The following TBC1D4 variants were observed in gnomAD, a reference collection of about 807,000 sequenced individuals.
The protein encoded by TBC1D4 is TBC1 domain family member 4.
Under a neutral mutation model 142.5 loss-of-function variants are expected in TBC1D4, and 121 were observed. The ratio of observed to expected loss-of-function variants is 0.85; its 90% confidence interval spans 0.73 to 0.99. The LOEUF (loss-of-function observed/expected upper bound fraction) is 0.99. TBC1D4 is among the 50% of genes least tolerant of loss of function. The probability of loss-of-function intolerance (pLI) is 0.00; values close to 1 mark genes in which losing one functional copy is unlikely to be tolerated. For synonymous variants in TBC1D4, 630 were observed against 628.2 expected (o/e 1.00, Z -0.04); for missense variants, 1,475 against 1,606.6 (o/e 0.92, Z 1.40).
chr13:75,362,305 C>T lies in TBC1D4; in HGVS notation c.801G>A (p.Leu267=), dbSNP rs183151783. The change falls in exon 2 of 21, where the codon CTG becomes CTA. Residue 267 remains leucine, a synonymous_variant. Coordinates refer to ENST00000377636, the MANE Select transcript of TBC1D4 (RefSeq NM_014832.5). This position sits in a 1 kb window ranked among gnomAD's most constrained non-coding sequence, Gnocchi z 4.2. ...TGTCGGTGCCGTCAGCCTCCTCCGG[C>T]AGGCAGTCTCCGGGGGACCCGGGCA... is the stretch of plus-strand genomic sequence containing the variant. ...VVVPGSPGDC[L]PEEADGTDTH... is the part of the protein sequence containing the mutation. The T allele has an allele frequency of 9.2e-5, 149 of 1,613,990 alleles. No homozygotes were observed. The highest frequency in any genetic ancestry group is 1.1e-4 in the Non-Finnish European group (132 of 1,180,028).
At chr13:75,468,799 A>T (rs1037426624) in intron 1 of TBC1D4, among the ~76,000 whole-genome samples, 2 of 152,208 alleles carry the variant, frequency 1.3e-5, no homozygotes, top group Non-Finnish European at 2.9e-5. Context: ...GCAGGGATCA[A>T]TTCTTACTCA....
rs1445226049 is a variant in TBC1D4 at position 75,309,942 on chromosome 13, C to T, written c.2593G>A (p.Ala865Thr). 2.5e-6 allele frequency: 4 copies of T among 1,613,912 alleles called. No individual in the cohort carries two copies. Among genetic ancestry groups the T allele is most frequent in the Non-Finnish European group, 3.4e-6 (4 of 1,179,950 alleles). Reference protein sequence around the residue: ...RMEKENQKLEASRDELQSRKV... With the variant: ...RMEKENQKLETSRDELQSRKV... ...CATTTAGTCTGTTAAAATGGCTAAC[C>T]TTCAAGTTTCTGGTTTTCTTTTTCC... is the stretch of plus-strand genomic sequence containing the variant. The change falls in exon 14 of 21, where the codon GCA becomes ACA. Residue 865 changes from alanine (A) to threonine (T), a missense_variant and splice_region_variant. Ala to Thr is a moderately conservative substitution (Grantham distance 58). Around this residue, in one of 2 missense-constraint regions of TBC1D4, gnomAD observed 1,227 missense variants for 1,267.7 expected, o/e 0.97. Coordinates refer to ENST00000377636, the MANE Select transcript of TBC1D4 (RefSeq NM_014832.5).
intron 17 of TBC1D4, among the ~76,000 whole-genome samples, chr13:75,296,200 T>A (rs1314066651): frequency 6.6e-6 from 1 of 151,534 alleles, no homozygotes; most frequent in African/African-American, 2.4e-5. Context: ...TTAGCTGGAG[T>A]CAAAGTTTTT....
intron 1 of TBC1D4, among the ~76,000 whole-genome samples, chr13:75,365,756 T>C (rs1882872827): frequency 1.3e-5 from 2 of 152,130 alleles, no homozygotes; most frequent in African/African-American, 2.4e-5. Flanking sequence ...AAAGACTGAG[T>C]TGGGGGGATT....
chr13:75,306,258 AAAT>A (rs1877172423), intron 15 of TBC1D4, 52 bp downstream of exon 15: 1 of 1,472,884 alleles, frequency 6.8e-7, no homozygotes, highest in African/African-American at 1.4e-5. Flanking sequence ...CAAAAAAAAA[AAAT>A]CCCCCAGGCT....
chr13:75,331,728 C>A (rs919577996), intron 8 of TBC1D4, among the ~76,000 whole-genome samples: 6 of 151,694 alleles, frequency 4.0e-5, no homozygotes, highest in Non-Finnish European at 8.8e-5. Flanking sequence ...AAAATGGATC[C>A]TATTTCATAA....
chr13:75,310,419 A>G (rs1877632438), intron 13 of TBC1D4, among the ~76,000 whole-genome samples: 1 of 152,170 alleles, frequency 6.6e-6, no homozygotes, highest in South Asian at 2.1e-4. Flanking sequence ...GAGGTGCCCC[A>G]AAACTAACTG....
chr13:75,433,144 A>G (rs995579172), intron 1 of TBC1D4, among the ~76,000 whole-genome samples: 2 of 152,138 alleles, frequency 1.3e-5, no homozygotes, highest in African/African-American at 4.8e-5. Flanking sequence ...ACCATGCATG[A>G]GTCATTTTCT....
chr13:75,472,641 A>G (rs1888465304), intron 1 of TBC1D4, among the ~76,000 whole-genome samples: 1 of 152,020 alleles, frequency 6.6e-6, no homozygotes, highest in South Asian at 2.1e-4. Context: ...CTCTCTCAGG[A>G]AAAAGAAGGC....
At position 75,286,693 on chromosome 13, in the gene TBC1D4, C is replaced by T; in HGVS notation, c.*99G>A. The T allele has an allele frequency of 1.7e-6, 2 of 1,202,798 alleles. No individual in the cohort carries two copies. The highest frequency in any genetic ancestry group is 2.5e-5 in the East Asian group (1 of 39,566). 74.5% of individuals were successfully genotyped at this position (1,202,798 alleles called of 1,614,324 possible). On this transcript the variant is annotated 3_prime_UTR_variant, in exon 21 of 21. Transcript: ENST00000377636. ...CGCTCAGCACCAGTATTAGGTGGTT[C>T]CATCAGCTTCAGGGTCCAGCCTTGG... is the stretch of plus-strand genomic sequence containing the variant.
At chr13:75,437,459 A>G (rs1374738141) in intron 1 of TBC1D4, among the ~76,000 whole-genome samples, 1 of 152,206 alleles carries the variant, frequency 6.6e-6, no homozygotes, top group African/African-American at 2.4e-5. Flanking sequence ...TTTTTGTATT[A>G]TTCTTTCAAT....
chr13:75,405,705 T>A (rs1337588225), intron 1 of TBC1D4, among the ~76,000 whole-genome samples: 1 of 152,320 alleles, frequency 6.6e-6, no homozygotes, highest in African/African-American at 2.4e-5. Flanking sequence ...ACCATGATCA[T>A]CTTTTATTAC....
intron 11 of TBC1D4, among the ~76,000 whole-genome samples, chr13:75,322,588 C>T (rs1878865123): frequency 6.6e-6 from 1 of 152,156 alleles, no homozygotes; most frequent in Admixed American, 6.5e-5. Flanking sequence ...TGCTTTACAT[C>T]CTAGTTACAG....
Position 75,324,662 on chromosome 13 carries a change from C to G in TBC1D4, c.2034-261G>C, listed in dbSNP as rs1221275690. Among the ~76,000 whole-genome samples the G allele has an allele frequency of 3.9e-5, 6 of 152,122 alleles. No individual in the cohort carries two copies. In the East Asian group the frequency reaches 1.2e-3, roughly 29 times the overall value. On this transcript the variant is annotated intron_variant, in intron 10 of 20. Transcript: ENST00000377636. ...CATCTGTGTTTGTCTCTAAAAATTT[C>G]TTAACAATTTGAGGACAAAAAGTAT...
chr13:75,478,212 C>A (rs937189863), intron 1 of TBC1D4, among the ~76,000 whole-genome samples: 34 of 152,162 alleles, frequency 2.2e-4, no homozygotes, highest in African/African-American at 8.2e-4. Flanking sequence ...TCCTCCAACT[C>A]GGTGGCTCTG....
chr13:75,341,713 T>C lies in TBC1D4; in HGVS notation c.1409-126A>G, dbSNP rs934926565. 1.2e-5 allele frequency: 9 copies of C among 768,732 alleles called. No individual in the cohort carries two copies. The Middle Eastern group carries it at 9.2e-4, about 79-fold the overall frequency. The allele number at this position is 768,732 out of a possible 1,614,324, so 47.6% of individuals were successfully genotyped here. Reference sequence around the variant, plus strand: ...ACTTAAATCTTCTCAAGGAGACGTGTTCCTGCCTACAAGAAACCTTGGAAT... The same window carrying C: ...ACTTAAATCTTCTCAAGGAGACGTGCTCCTGCCTACAAGAAACCTTGGAAT... On this transcript the variant is annotated intron_variant, in intron 5 of 20. Transcript: ENST00000377636.
intron 11 of TBC1D4, among the ~76,000 whole-genome samples, chr13:75,324,010 A>G (rs1879002710): frequency 6.6e-6 from 1 of 152,192 alleles, no homozygotes; most frequent in Admixed American, 6.5e-5. Flanking sequence ...CAAAAAGCAT[A>G]ATTCAAAAAG....
At chr13:75,424,284 AAAAG>A (rs1427045469) in intron 1 of TBC1D4, among the ~76,000 whole-genome samples, 1 of 90,016 alleles carries the variant, frequency 1.1e-5, no homozygotes, top group African/African-American at 4.5e-5. Context: ...AAAAAAAAAA[AAAAG>A]AAAGAAAGAA....
chr13:75,289,997 A>G (rs1294573345), intron 19 of TBC1D4, among the ~76,000 whole-genome samples: 1 of 152,208 alleles, frequency 6.6e-6, no homozygotes, highest in Admixed American at 6.5e-5. Context: ...GTTATCCTCA[A>G]ATAACCATCA....
Sources: gnomAD v4.1 joint callset for allele counts (sites outside exome capture counted in the v4.1 genomes callset) on GRCh38, gnomAD v4.1.1 for gene constraint, gnomAD v4.1.1 regional missense constraint, Gnocchi (gnomAD v3.1) non-coding constraint, MANE v1.5 for transcripts, NCBI Gene and HGNC (gene_info 2026-07-23, HGNC 2026-07-21) for gene names.